PPM1G: variants seen among roughly 807,000 people sequenced by gnomAD.
The protein encoded by PPM1G is protein phosphatase, Mg2+/Mn2+ dependent 1G.
PPM1G carries 12 observed loss-of-function variants against 59.4 expected under a neutral mutation model. The ratio of observed to expected loss-of-function variants is 0.20; its 90% CI spans 0.13 to 0.33. The LOEUF is 0.33. Ranked by LOEUF, PPM1G falls within the 10% of genes least tolerant of loss-of-function variation. The pLI is 1.00. For synonymous variants in PPM1G, 245 were observed against 251.9 expected, an observed-to-expected ratio of 0.97 and a Z score of 0.26; for missense variants, 392 against 681.3, an observed-to-expected ratio of 0.58 and a Z score of 4.73.
chr2:27,382,671 C>A lies in PPM1G; in HGVS notation c.1202-66G>T. On this transcript the variant is annotated intron_variant, in intron 7 of 9. Transcript: ENST00000344034. The surrounding 1 kb of genome is among the most constrained non-coding windows in gnomAD (Gnocchi z 4.2). ...CCACAGACTTGTGTTTGTGGCAGGT[C>A]AAACCTTGCCATTCATTTCCCTTCT... The A allele has an allele frequency of 1.9e-6, 3 of 1,572,414 alleles. No homozygotes were observed. The South Asian group carries it at 3.4e-5, about 18-fold the overall frequency.
chr2:27,389,268 A>G (rs986243615), intron 1 of PPM1G, among the ~76,000 whole-genome samples: 29 of 152,190 alleles, frequency 1.9e-4, no homozygotes, highest in African/African-American at 7.0e-4. Flanking sequence ...ACACATACAC[A>G]TATATGTATA....
In PPM1G at chr2:27,384,086, T is replaced by C. The variant is rs1683705259; in HGVS notation, c.832A>G (p.Ser278Gly). Residue 278 changes from serine to glycine, a missense_variant, in exon 6 of 10, where the codon AGC becomes GGC. By Grantham distance (56) the Ser-to-Gly change is moderately conservative. Around this residue, in one of 6 missense-constraint regions of PPM1G, gnomAD observed 188 missense variants for 248.8 expected, o/e 0.76. Transcript: ENST00000344034. The surrounding 1 kb of genome is among the most constrained non-coding windows in gnomAD (Gnocchi z 4.8). ...CTGCTGTAGCCATCCTCTTCCTCGC[T>C]GCATTCCTGCCAGGGGGAGGATCCC... is the stretch of plus-strand genomic sequence containing the variant. The part of the protein sequence containing the change: ...EEEEEDSEEC[S>G]EEEDGYSSEE... 3 of 1,614,106 alleles carry C rather than the reference T, an allele frequency of 1.9e-6. No individual in the cohort carries two copies. In the East Asian group the frequency reaches 6.7e-5, roughly 36 times the overall value.
In PPM1G at chr2:27,387,126, A is replaced by G. The variant is rs1479771774; in HGVS notation, c.153T>C (p.Ser51=). The change falls in exon 2 of 10, where the codon AGT becomes AGC. Residue 51 remains serine (S), a synonymous_variant. Coordinates refer to ENST00000344034, the MANE Select transcript of PPM1G (RefSeq NM_177983.3). ...DAHNCIPELD[S]ETAMFSVYDG... is the part of the protein sequence containing the mutation. ...CGTAGACAGAAAACATGGCTGTCTC[A>G]CTGTCCAGCTCAGGAATACAGTTGT... is the stretch of plus-strand genomic sequence containing the variant. 6.2e-7 allele frequency: 1 copy of G among 1,613,400 alleles called. No individual in the cohort carries two copies. The highest frequency in any genetic ancestry group is 8.5e-7 in the Non-Finnish European group (1 of 1,179,452).
intron 1 of PPM1G, among the ~76,000 whole-genome samples, chr2:27,400,267 T>TG (rs1055346229): frequency 1.1e-4 from 17 of 152,040 alleles, no homozygotes; most frequent in Non-Finnish European, 2.2e-4. Flanking sequence ...CCGGGTGTGA[T>TG]GGTGGGTACC....
rs1683960172 is a variant in PPM1G at position 27,393,220 on chromosome 2, T to C, written c.121-6062A>G. ...TGAAGAAAGTATTTGGCAAAGTTCT[T>C]CAAAGCCACATCATCGCTGTCAAAG... On this transcript the variant is annotated intron_variant, in intron 1 of 9. Coordinates refer to ENST00000344034, the MANE Select transcript of PPM1G (RefSeq NM_177983.3). 1.9e-6 allele frequency: 3 copies of C among 1,562,194 alleles called. No individual in the cohort carries two copies. The Admixed American group carries it at 5.0e-5, about 26-fold the overall frequency.
intron 1 of PPM1G, among the ~76,000 whole-genome samples, chr2:27,402,201 ACT>A (rs1310629781): frequency 3.3e-5 from 5 of 152,332 alleles, no homozygotes; most frequent in South Asian, 2.1e-4. Flanking sequence ...CTGAAATCAT[ACT>A]CTGTCTACAA....
chr2:27,397,644 T>C (rs567448944), intron 1 of PPM1G, among the ~76,000 whole-genome samples: 2 of 152,302 alleles, frequency 1.3e-5, no homozygotes, highest in African/African-American at 4.8e-5. Context: ...TCAGTGCTCA[T>C]TAATGATAAA....
chr2:27,396,819 C>CCAA (rs1553313910), intron 1 of PPM1G, among the ~76,000 whole-genome samples: 1 of 125,384 alleles, frequency 8.0e-6, no homozygotes, highest in Non-Finnish European at 1.6e-5. Context: ...CCGTCTCCAA[C>CCAA]AAAAAAAAAA....
Position 27,383,056 on chromosome 2 carries a change from G to C in PPM1G, c.1201+310C>G, listed in dbSNP as rs376031607. Among the ~76,000 whole-genome samples, 2 of 150,800 alleles carry C rather than the reference G, an allele frequency of 1.3e-5. No individual in the cohort carries two copies. Among genetic ancestry groups the C allele is most frequent in the Admixed American group, 1.3e-4 (2 of 15,142 alleles). On this transcript the variant is annotated intron_variant, in intron 7 of 9. Transcript: ENST00000344034. The surrounding 1 kb of genome is among the most constrained non-coding windows in gnomAD (Gnocchi z 5.0). ...TCACCATGTTGGCCAGGCTGGCCTC[G>C]AACTCCTGACCTCAGGCGATCCACC...
In PPM1G at chr2:27,381,228, G is replaced by A. The variant is rs1371690933; in HGVS notation, c.*371C>T. 3.2e-6 allele frequency: 1 copy of A among 314,300 alleles called. No homozygotes were observed. The highest frequency in any genetic ancestry group is 4.1e-5 in the South Asian group (1 of 24,170). The allele number at this position is 314,300 out of a possible 1,614,324, so 19.5% of individuals were successfully genotyped here. ...GTTTTGGCCTTTAGTCTGAAAAAGT[G>A]TTGATTGAAAGTGTACAACAGAGAG... is the stretch of plus-strand genomic sequence containing the variant. On this transcript the variant is annotated 3_prime_UTR_variant, in exon 10 of 10. Coordinates refer to ENST00000344034, the MANE Select transcript of PPM1G (RefSeq NM_177983.3).
chr2:27,384,133 TC>T lies in PPM1G; in HGVS notation c.826-42del, dbSNP rs1352659842. On this transcript the variant is annotated intron_variant, in intron 5 of 9. Transcript: ENST00000344034. This position sits in a 1 kb window ranked among gnomAD's most constrained non-coding sequence, Gnocchi z 4.8. ...TCCCAGACTGCTGAGACTGGGATGA[TC>T]CCCTCCCTCCCCACAGCTCATACTC... is the stretch of plus-strand genomic sequence containing the variant. The T allele has an allele frequency of 3.1e-6, 5 of 1,612,692 alleles. No individual in the cohort carries two copies. Among genetic ancestry groups the T allele is most frequent in the Non-Finnish European group, 4.2e-6 (5 of 1,179,494 alleles).
At chr2:27,392,092 C>T (rs1228091811) in intron 1 of PPM1G, among the ~76,000 whole-genome samples, 1 of 135,390 alleles carries the variant, frequency 7.4e-6, no homozygotes, top group Admixed American at 7.5e-5. Context: ...CAGCAGTCTG[C>T]AAAAAAAAAA....
chr2:27,385,230 G>T lies in PPM1G; in HGVS notation c.410-142C>A. The T allele has an allele frequency of 5.4e-6, 5 of 932,142 alleles. No individual in the cohort carries two copies. The highest frequency in any genetic ancestry group is 1.8e-5 in the South Asian group (1 of 54,396). 57.7% of individuals were successfully genotyped at this position (932,142 alleles called of 1,614,324 possible). On this transcript the variant is annotated intron_variant, in intron 4 of 9. Coordinates refer to ENST00000344034, the MANE Select transcript of PPM1G (RefSeq NM_177983.3). This position sits in a 1 kb window ranked among gnomAD's most constrained non-coding sequence, Gnocchi z 4.1. Reference sequence around the variant, plus strand: ...GGTTCCTCTCGCTCAAGTCTCAGAAGAACATGCCCTAGCTCCTCCTCCTCC... The same window carrying T: ...GGTTCCTCTCGCTCAAGTCTCAGAATAACATGCCCTAGCTCCTCCTCCTCC...
chr2:27,393,921 G>A (rs113342830), intron 1 of PPM1G, among the ~76,000 whole-genome samples: 2 of 152,184 alleles, frequency 1.3e-5, no homozygotes, highest in Middle Eastern at 3.4e-3. Flanking sequence ...CTGCCAAGAC[G>A]CTCGGCTGAT....
Position 27,385,644 on chromosome 2 carries a change from C to A in PPM1G, c.409+103G>T. The A allele has an allele frequency of 6.9e-7, 1 of 1,458,144 alleles. No homozygotes were observed. Among genetic ancestry groups the A allele is most frequent in the Non-Finnish European group, 9.2e-7 (1 of 1,086,454 alleles). The allele number at this position is 1,458,144 out of a possible 1,614,324, so 90.3% of individuals were successfully genotyped here. ...ATAGGTTTCTTTAACATAAGGACTC[C>A]CCAGGTCCCTAGAAAGCCATCCTAT... On this transcript the variant is annotated intron_variant, in intron 4 of 9. Transcript: ENST00000344034. The surrounding 1 kb of genome is among the most constrained non-coding windows in gnomAD (Gnocchi z 4.1).
Position 27,409,437 on chromosome 2 carries a change from G to C in PPM1G, c.-15C>G. 2 of 1,501,048 alleles carry C rather than the reference G, an allele frequency of 1.3e-6. No homozygotes were observed. Among genetic ancestry groups the C allele is most frequent in the Non-Finnish European group, 1.8e-6 (2 of 1,126,158 alleles). 93.0% of individuals were successfully genotyped at this position (1,501,048 alleles called of 1,614,324 possible). A position where few individuals can be genotyped will look rare whatever the true frequency, so the allele number is the denominator to read the frequency against. On this transcript the variant is annotated 5_prime_UTR_variant, in exon 1 of 10. Transcript: ENST00000344034. ...TAGGCACCCATGGCGGCGGCTGGCC[G>C]GCGGCCTCAGGTGCAGGAAAGCTGG...
chr2:27,383,851 T>C lies in PPM1G; in HGVS notation c.966+101A>G, dbSNP rs143780712. 6.9e-4 allele frequency: 1,027 copies of C among 1,486,018 alleles called. 3 individuals are homozygous for C. In the African/African-American group the frequency reaches 0.013, roughly 18 times the overall value. The allele number at this position is 1,486,018 out of a possible 1,614,324, so 92.1% of individuals were successfully genotyped here. ...TAAATCCCCATGACTATTACTTCCA[T>C]CCTAAAGTATCAGGGGGATCCCCTG... On this transcript the variant is annotated intron_variant, in intron 6 of 9. Coordinates refer to ENST00000344034, the MANE Select transcript of PPM1G (RefSeq NM_177983.3). The surrounding 1 kb of genome is among the most constrained non-coding windows in gnomAD (Gnocchi z 5.0).
At chr2:27,398,914 G>A (rs1684117525) in intron 1 of PPM1G, among the ~76,000 whole-genome samples, 2 of 152,146 alleles carry the variant, frequency 1.3e-5, no homozygotes, top group South Asian at 4.1e-4. Context: ...GGAGGCTGAG[G>A]CAGGCAGATC....
In PPM1G at chr2:27,381,624, T is replaced by C. The variant is rs749018998; in HGVS notation, c.1616A>G (p.Lys539Arg). The stretch of plus-strand genomic sequence containing the variant: ...CTAGTCTCGCTTGGCCTTCTTCTTC[T>C]TGTCGCTGTTGCCATTTTCTTCAGC... ...EGAEENGNSD[K>R]KKKAKRD is the part of the protein sequence containing the mutation. The change falls in exon 10 of 10, where the codon AAG becomes AGG. Residue 539 changes from lysine to arginine, a missense_variant. By Grantham distance (26) the Lys-to-Arg change is conservative. This residue lies in a region of PPM1G where 49 missense variants were observed against 43.4 expected (regional missense o/e 1.13). Transcript: ENST00000344034. 3 of 1,614,000 alleles carry C rather than the reference T, an allele frequency of 1.9e-6. No homozygotes were observed. The highest frequency in any genetic ancestry group is 2.2e-5 in the South Asian group (2 of 91,086).
Sources: gnomAD v4.1 joint callset for allele counts (sites outside exome capture counted in the v4.1 genomes callset) on GRCh38, gnomAD v4.1.1 for gene constraint, gnomAD v4.1.1 regional missense constraint, Gnocchi (gnomAD v3.1) non-coding constraint, MANE v1.5 for transcripts, NCBI Gene and HGNC (gene_info 2026-07-23, HGNC 2026-07-21) for gene names.